TRAPPC9: variants seen among roughly 807,000 people sequenced by gnomAD.
TRAPPC9 encodes IKK2 binding protein.
In TRAPPC9, 83 loss-of-function variants were observed where a neutral mutation model predicts 124.0. The observed-to-expected ratio is 0.67, with a 90% CI of 0.56 to 0.80. The LOEUF (loss-of-function observed/expected upper bound fraction) is 0.80, where lower values mean the gene tolerates loss of function less well. TRAPPC9 is among the 30% of genes least tolerant of loss of function. The probability of loss-of-function intolerance (pLI) is 0.00; values close to 1 mark genes in which losing one functional copy is unlikely to be tolerated. For synonymous variants in TRAPPC9, 638 were observed against 617.5 expected (o/e 1.03, Z -0.49); for missense variants, 1,302 against 1,508.3 (o/e 0.86, Z 2.27).
At chr8:139,744,321 C>T (rs949463064) in intron 21 of TRAPPC9, among the ~76,000 whole-genome samples, 3 of 152,182 alleles carry the variant, frequency 2.0e-5, no homozygotes, top group African/African-American at 7.2e-5. Flanking sequence ...TGTGTCAAAT[C>T]ACACAGTCCC....
intron 18 of TRAPPC9, 141 bp downstream of exon 18, chr8:140,023,796 C>T (rs1383219385): frequency 2.3e-6 from 3 of 1,287,766 alleles, no homozygotes; most frequent in African/African-American, 2.9e-5. Context: ...GAAAAACCTA[C>T]ATCCCAGAGA....
chr8:140,055,905 T>C lies in TRAPPC9; in HGVS notation c.2557-31826A>G, dbSNP rs77687865. ...TATTCATAGATTGAAAAAATTAATA[T>C]TGTTAAAATAGCTATACTACTCAAA... On this transcript the variant is annotated intron_variant, in intron 17 of 22. Coordinates refer to ENST00000438773, the MANE Select transcript of TRAPPC9 (RefSeq NM_001160372.4). 7.0e-3 allele frequency among the ~76,000 whole-genome samples: 1,063 copies of C among 152,172 alleles called. 7 individuals are homozygous for C. The highest frequency in any genetic ancestry group is 0.024 in the African/African-American group (990 of 41,490).
intron 19 of TRAPPC9, among the ~76,000 whole-genome samples, chr8:139,974,510 T>G (rs192873472): frequency 1.3e-5 from 2 of 152,302 alleles, no homozygotes; most frequent in East Asian, 3.9e-4. Context: ...GGGGTAGTTA[T>G]GATAGTCCTG....
intron 9 of TRAPPC9, among the ~76,000 whole-genome samples, chr8:140,328,060 G>T (rs1563948532): frequency 6.6e-6 from 1 of 152,116 alleles, no homozygotes; most frequent in Non-Finnish European, 1.5e-5. Flanking sequence ...TTTGAGACCA[G>T]CCTGGCCAAC....
At chr8:140,089,956 T>A (rs1489754375) in intron 17 of TRAPPC9, among the ~76,000 whole-genome samples, 1 of 152,116 alleles carries the variant, frequency 6.6e-6, no homozygotes, top group Non-Finnish European at 1.5e-5. Flanking sequence ...GGTGCACGCC[T>A]GTAGTCCCAG....
intron 15 of TRAPPC9, among the ~76,000 whole-genome samples, chr8:140,260,292 G>A (rs975492738): frequency 2.0e-5 from 3 of 152,106 alleles, no homozygotes; most frequent in Admixed American, 6.6e-5. Context: ...CCCGTGGCTC[G>A]AGAGTGAAGT....
At chr8:139,792,000 G>A (rs773147288) in intron 21 of TRAPPC9, among the ~76,000 whole-genome samples, 1 of 152,094 alleles carries the variant, frequency 6.6e-6, no homozygotes, top group Admixed American at 6.5e-5. Context: ...TTCAGCACAC[G>A]TCACCTCCCA....
chr8:140,186,922 TA>T (rs1356844037), intron 17 of TRAPPC9, among the ~76,000 whole-genome samples: 3 of 152,206 alleles, frequency 2.0e-5, no homozygotes, highest in Non-Finnish European at 2.9e-5. Context: ...GAAAGCCAGT[TA>T]AAAAACACAA....
intron 19 of TRAPPC9, among the ~76,000 whole-genome samples, chr8:139,921,206 C>T (rs938595895): frequency 3.3e-5 from 5 of 152,216 alleles, no homozygotes; most frequent in Admixed American, 6.5e-5. Flanking sequence ...CGACTCCTCC[C>T]GCTAATGTGT....
intron 5 of TRAPPC9, among the ~76,000 whole-genome samples, chr8:140,423,176 A>T (rs1266127517): frequency 6.6e-6 from 1 of 152,154 alleles, no homozygotes; most frequent in Non-Finnish European, 1.5e-5. Flanking sequence ...ACAGTGGCTC[A>T]CACCTATAAT....
intron 15 of TRAPPC9, among the ~76,000 whole-genome samples, chr8:140,267,442 G>C (rs1392750800): frequency 6.6e-6 from 1 of 152,246 alleles, no homozygotes; most frequent in African/African-American, 2.4e-5. Context: ...CAGCGGGTAA[G>C]AGTGTCAATA....
At chr8:140,237,917 A>C (rs748490571) in intron 16 of TRAPPC9, among the ~76,000 whole-genome samples, 1 of 152,222 alleles carries the variant, frequency 6.6e-6, no homozygotes, top group Non-Finnish European at 1.5e-5. Context: ...CAGAGCAGTG[A>C]CGCGGACACG....
intron 21 of TRAPPC9, among the ~76,000 whole-genome samples, chr8:139,778,393 T>A (rs1311442223): frequency 2.0e-5 from 3 of 152,178 alleles, no homozygotes. Context: ...AAATTTATAA[T>A]GTCTGGCACC....
intron 21 of TRAPPC9, among the ~76,000 whole-genome samples, chr8:139,739,254 G>A (rs1010642543): frequency 1.3e-5 from 2 of 152,134 alleles, no homozygotes; most frequent in African/African-American, 2.4e-5. Flanking sequence ...CCTGGGAAAC[G>A]TCCGGTGCCC....
In TRAPPC9 at chr8:140,451,307, CA is replaced by C. The variant is rs2071454848; in HGVS notation, c.66del (p.Val23TrpfsTer19). On this transcript the variant is annotated frameshift_variant, in exon 2 of 23. Transcript: ENST00000438773. LOFTEE classifies it high-confidence loss of function. The stretch of plus-strand genomic sequence containing the variant: ...AAGTTCTCCTCGGAGACGATGCCCA[CA>C]GGCTGGACCACCACGAGCAGCGTCT... The part of the protein sequence containing the change: ...DHQTLLVVVQ[P>X]VGIVSEENFF... 1 of 1,608,564 alleles carries C rather than the reference CA, an allele frequency of 6.2e-7. No individual in the cohort carries two copies. The highest frequency in any genetic ancestry group is 8.5e-7 in the Non-Finnish European group (1 of 1,180,014).
intron 17 of TRAPPC9, among the ~76,000 whole-genome samples, chr8:140,089,462 G>A (rs569268118): frequency 1.6e-4 from 24 of 152,310 alleles, no homozygotes; most frequent in African/African-American, 4.6e-4. Flanking sequence ...GTCCTACTAC[G>A]TGAAATAAGG....
intron 21 of TRAPPC9, among the ~76,000 whole-genome samples, chr8:139,757,540 G>A (rs530935698): frequency 1.3e-5 from 2 of 150,644 alleles, no homozygotes; most frequent in Admixed American, 6.6e-5. Flanking sequence ...TGGGGACAGC[G>A]TGTCGCCGGA....
At chr8:140,109,314 T>C (rs946635822) in intron 17 of TRAPPC9, among the ~76,000 whole-genome samples, 3 of 152,068 alleles carry the variant, frequency 2.0e-5, no homozygotes. Context: ...ACAGGGCCTG[T>C]CTCAGACAAA....
intron 17 of TRAPPC9, among the ~76,000 whole-genome samples, chr8:140,092,898 T>G (rs1338159246): frequency 6.6e-6 from 1 of 152,240 alleles, no homozygotes; most frequent in Non-Finnish European, 1.5e-5. Flanking sequence ...TATGAGGGCT[T>G]ACACCCTCTA....
Sources: gnomAD v4.1 joint callset for allele counts (sites outside exome capture counted in the v4.1 genomes callset) on GRCh38, gnomAD v4.1.1 for gene constraint, MANE v1.5 for transcripts, NCBI Gene and HGNC (gene_info 2026-07-23, HGNC 2026-07-21) for gene names.